The following PSMD1 variants were observed in gnomAD, a reference collection of about 807,000 sequenced individuals.
PSMD1 encodes 26S proteasome non-ATPase regulatory subunit 1.
A neutral mutation model predicts 119.0 loss-of-function variants in PSMD1; 18 were observed. The ratio of observed to expected loss-of-function variants is 0.15; its 90% CI spans 0.10 to 0.22. The LOEUF (loss-of-function observed/expected upper bound fraction) is 0.22, where lower values mean the gene tolerates loss of function less well. PSMD1 is among the 10% of genes least tolerant of loss of function. PSMD1 has a pLI of 1.00. For missense variants in PSMD1, 702 were observed against 1,158.5 expected, an observed-to-expected ratio of 0.61 and a Z score of 5.72; for synonymous variants, 374 against 396.6, an observed-to-expected ratio of 0.94 and a Z score of 0.68.
chr2:231,091,176 G>A (rs868561171), intron 16 of PSMD1, among the ~76,000 whole-genome samples: 2 of 152,166 alleles, frequency 1.3e-5, no homozygotes, highest in Non-Finnish European at 2.9e-5. Flanking sequence ...GAAAGGCTTG[G>A]AGCAAACACA....
intron 23 of PSMD1, among the ~76,000 whole-genome samples, chr2:231,166,738 A>G (rs1388881951): frequency 6.6e-6 from 1 of 152,196 alleles, no homozygotes. Flanking sequence ...TCTGTCTAAA[A>G]TGTCAGAGAT....
At chr2:231,081,533 AT>A (rs1694309444) in intron 12 of PSMD1, among the ~76,000 whole-genome samples, 1 of 152,324 alleles carries the variant, frequency 6.6e-6, no homozygotes, top group Admixed American at 6.5e-5. Context: ...AACTTGAAAC[AT>A]TTTTGGCCAT....
chr2:231,082,772 A>T (rs1233123710), intron 12 of PSMD1, 111 bp from the exon 13 acceptor site: 2 of 743,306 alleles, frequency 2.7e-6, no homozygotes, highest in Non-Finnish European at 4.4e-6. Context: ...GATCATTCTT[A>T]CTGAGCCAAC....
intron 23 of PSMD1, among the ~76,000 whole-genome samples, chr2:231,168,742 A>C (rs996492483): frequency 6.6e-6 from 1 of 152,234 alleles, no homozygotes; most frequent in Non-Finnish European, 1.5e-5. Context: ...TAGCTGCACA[A>C]GTTTGTGAAT....
chr2:231,163,808 T>C, intron 21 of PSMD1, 81 bp downstream of exon 21: 1 of 1,014,126 alleles, frequency 9.9e-7, no homozygotes, highest in Non-Finnish European at 1.5e-6. Context: ...TTAACTATCT[T>C]TTATGTTTTA....
At chr2:231,143,299 G>A (rs577304450) in intron 17 of PSMD1, among the ~76,000 whole-genome samples, 2 of 151,798 alleles carry the variant, frequency 1.3e-5, no homozygotes, top group South Asian at 2.1e-4. Flanking sequence ...GCGCTATCTC[G>A]GCTCACTGGA....
chr2:231,113,796 C>T, intron 16 of PSMD1: 2 of 1,614,106 alleles, frequency 1.2e-6, no homozygotes, highest in Non-Finnish European at 1.7e-6. Context: ...ATTGATTGGC[C>T]TGGATTGGCT....
Position 231,162,782 on chromosome 2 carries a change from G to T in PSMD1, c.2389-853G>T, listed in dbSNP as rs188299276. 5.5e-4 allele frequency among the ~76,000 whole-genome samples: 82 copies of T among 150,034 alleles called. 3 individuals carry two copies. In the South Asian group the frequency reaches 0.01, roughly 19 times the overall value. ...TCAGAGGTTGCAGTGAGCTGAGATT[G>T]CACCACTGCACTCCAGTCTGAGCAA... On this transcript the variant is annotated intron_variant, in intron 20 of 24. Transcript: ENST00000308696.
intron 21 of PSMD1, 54 bp downstream of exon 21, chr2:231,163,781 A>C: frequency 7.7e-7 from 1 of 1,299,764 alleles, no homozygotes; most frequent in Non-Finnish European, 1.1e-6. Flanking sequence ...GGAGCCACTG[A>C]GTATTTTACT....
At chr2:231,075,620 C>CCCG (rs1459499631) in intron 8 of PSMD1, 49 bp downstream of exon 8, 2 of 1,557,382 alleles carry the variant, frequency 1.3e-6, no homozygotes, top group African/African-American at 2.8e-5. Flanking sequence ...TGATCTGTCA[C>CCCG]CCAGGCTAGA....
At chr2:231,140,544 T>C (rs937007560) in intron 17 of PSMD1, among the ~76,000 whole-genome samples, 1 of 151,198 alleles carries the variant, frequency 6.6e-6, no homozygotes, top group Non-Finnish European at 1.5e-5. Flanking sequence ...CAAATAAGTT[T>C]TTCTAGTCAC....
chr2:231,163,801 ACTAT>A, intron 21 of PSMD1, 74 bp downstream of exon 21: 2 of 1,081,852 alleles, frequency 1.8e-6, no homozygotes, highest in Non-Finnish European at 2.7e-6. Context: ...TTTTTCTTTA[ACTAT>A]CTTTTATGTT....
intron 16 of PSMD1, among the ~76,000 whole-genome samples, chr2:231,117,951 A>G (rs932607951): frequency 1.3e-5 from 2 of 152,160 alleles, no homozygotes; most frequent in African/African-American, 2.4e-5. Flanking sequence ...CAAATATGAC[A>G]GTTTTGGCTG....
intron 22 of PSMD1, 126 bp downstream of exon 22, chr2:231,165,412 G>A: frequency 9.3e-6 from 11 of 1,179,604 alleles, no homozygotes; most frequent in Non-Finnish European, 1.2e-5. Context: ...CCTGTTGCCA[G>A]CATGTAGAAT....
Position 231,103,518 on chromosome 2 carries a change from G to T in PSMD1, c.1883+16337G>T, listed in dbSNP as rs111561308. 7.7e-3 allele frequency among the ~76,000 whole-genome samples: 1,170 copies of T among 152,240 alleles called. 22 individuals carry two copies. Among genetic ancestry groups the T allele is most frequent in the African/African-American group, 0.027 (1,126 of 41,538 alleles). On this transcript the variant is annotated intron_variant, in intron 16 of 24. Coordinates refer to ENST00000308696, the MANE Select transcript of PSMD1 (RefSeq NM_002807.4). ...TGTGTATTAAGCTATTCTGCATTTT[G>T]TCAAAAGATCTGCCACAGACTCCAC... is the stretch of plus-strand genomic sequence containing the variant.
intron 16 of PSMD1, among the ~76,000 whole-genome samples, chr2:231,111,740 G>A (rs1326609491): frequency 2.0e-5 from 3 of 152,172 alleles, no homozygotes; most frequent in Non-Finnish European, 4.4e-5. Flanking sequence ...GAGTTCTTAA[G>A]CCAACTGATT....
rs1696022991 is a variant in PSMD1 at position 231,138,420 on chromosome 2, A to G, written c.1884-316A>G. On this transcript the variant is annotated intron_variant, in intron 16 of 24. Transcript: ENST00000308696. ...AGAAATAGGAAAATAGATGTAGAGCAGTGTGCTACCCCCAACATGGCTGTT... is the reference window on the plus strand; with the variant it reads ...AGAAATAGGAAAATAGATGTAGAGCGGTGTGCTACCCCCAACATGGCTGTT... 2.6e-5 allele frequency among the ~76,000 whole-genome samples: 4 copies of G among 152,364 alleles called. No homozygotes were observed. The South Asian group carries it at 6.2e-4, about 24-fold the overall frequency.
In PSMD1 at chr2:231,059,874, G is replaced by C. The variant is rs533240533; in HGVS notation, c.17-1393G>C. 3.3e-5 allele frequency among the ~76,000 whole-genome samples: 5 copies of C among 152,318 alleles called. No individual in the cohort carries two copies. In the East Asian group the frequency reaches 9.6e-4, roughly 29 times the overall value. On this transcript the variant is annotated intron_variant, in intron 1 of 24. Coordinates refer to ENST00000308696, the MANE Select transcript of PSMD1 (RefSeq NM_002807.4). ...TTAAGATGGGAAATACTAATGTATGGAGTGTAGAGTATTTGATTTAGTTCT... is the reference window on the plus strand; with the variant it reads ...TTAAGATGGGAAATACTAATGTATGCAGTGTAGAGTATTTGATTTAGTTCT...
chr2:231,073,458 G>A (rs977598269), intron 7 of PSMD1, among the ~76,000 whole-genome samples: 3 of 152,086 alleles, frequency 2.0e-5, no homozygotes, highest in African/African-American at 7.2e-5. Flanking sequence ...GTCAGGTATT[G>A]TAAGACCTAC....
Sources: allele counts gnomAD v4.1 joint callset (sites outside exome capture counted in the v4.1 genomes callset), GRCh38; gene constraint gnomAD v4.1.1; transcripts MANE v1.5; gene names NCBI Gene and HGNC (gene_info 2026-07-23, HGNC 2026-07-21).